The following TIFA variants were observed in gnomAD, a reference collection of about 807,000 sequenced individuals.
TIFA encodes TRAF-interacting protein with FHA domain-containing protein A.
For synonymous variants in TIFA, 75 were observed against 79.2 expected (o/e 0.95, Z 0.28); for missense variants, 186 against 215.2 (o/e 0.86, Z 0.85).
chr4:112,279,656 C>T (rs1727186025), intron 1 of TIFA, among the ~76,000 whole-genome samples: 1 of 144,120 alleles, frequency 6.9e-6, no homozygotes, highest in Admixed American at 7.1e-5. Flanking sequence ...ATATTTAGTT[C>T]TGAACCTTTC....
chr4:112,277,833 T>C lies in TIFA; in HGVS notation c.*29A>G. 6.4e-7 allele frequency: 1 copy of C among 1,551,074 alleles called. No individual in the cohort carries two copies. Among genetic ancestry groups the C allele is most frequent in the Non-Finnish European group, 8.7e-7 (1 of 1,152,426 alleles). On this transcript the variant is annotated 3_prime_UTR_variant, in exon 2 of 2. Coordinates refer to ENST00000361717, the MANE Select transcript of TIFA (RefSeq NM_052864.3). Reference sequence around the variant, plus strand: ...CAGCATCTACAGAGCTCTTCATCCATCATATTTCTCCTCTTAGACTTTCTG... The same window carrying C: ...CAGCATCTACAGAGCTCTTCATCCACCATATTTCTCCTCTTAGACTTTCTG...
chr4:112,280,426 T>G (rs964488403), intron 1 of TIFA, among the ~76,000 whole-genome samples: 53 of 133,570 alleles, frequency 4.0e-4, no homozygotes, highest in African/African-American at 1.4e-3. Context: ...CTTGGCTCAC[T>G]GCAACCTCTG....
chr4:112,279,452 G>T lies in TIFA; in HGVS notation c.-18-1018C>A, dbSNP rs182408504. On this transcript the variant is annotated intron_variant, in intron 1 of 1. Transcript: ENST00000361717. ...ACTAACAAAGGATTTAAAAAAAAGA[G>T]TATTTCTCCCCCACCTGAACTCTTT... is the stretch of plus-strand genomic sequence containing the variant. Among the ~76,000 whole-genome samples, 42 of 152,240 alleles carry T rather than the reference G, an allele frequency of 2.8e-4. No homozygotes were observed. In the East Asian group the frequency reaches 7.9e-3, roughly 29 times the overall value.
Position 112,276,846 on chromosome 4 carries a change from T to C in TIFA, c.*1016A>G, listed in dbSNP as rs1705317239. ...GCCTCACTACCTGGCAATGCTACAA[T>C]TTAACTTAACTGAATGGTTACCTCA... is the stretch of plus-strand genomic sequence containing the variant. On this transcript the variant is annotated 3_prime_UTR_variant, in exon 2 of 2. Transcript: ENST00000361717. 6.6e-6 allele frequency: 1 copy of C among 152,216 alleles called. No homozygotes were observed. The highest frequency in any genetic ancestry group is 1.5e-5 in the Non-Finnish European group (1 of 68,018). 9.4% of individuals were successfully genotyped at this position (152,216 alleles called of 1,614,324 possible).
At chr4:112,284,440 G>T (rs1313302060) in intron 1 of TIFA, among the ~76,000 whole-genome samples, 1 of 152,024 alleles carries the variant, frequency 6.6e-6, no homozygotes, top group Admixed American at 6.6e-5. Context: ...TCGCTACAAG[G>T]ACCCAGATGT....
intron 1 of TIFA, among the ~76,000 whole-genome samples, chr4:112,280,343 CTTTTTTTTTTTTT>C (rs34544244): frequency 1.3e-5 from 1 of 76,748 alleles, no homozygotes; most frequent in South Asian, 5.5e-4. Flanking sequence ...CTGGCATTTC[CTTTTTTTTTTTTT>C]TTTTTTTTTT....
At chr4:112,285,093 C>T (rs1021733659) in intron 1 of TIFA, among the ~76,000 whole-genome samples, 5 of 152,126 alleles carry the variant, frequency 3.3e-5, no homozygotes, top group African/African-American at 7.2e-5. Context: ...TGGGAAATTC[C>T]ACCTTTCAAT....
intron 1 of TIFA, among the ~76,000 whole-genome samples, chr4:112,280,823 C>T (rs1176741251): frequency 2.0e-5 from 3 of 151,982 alleles, no homozygotes; most frequent in Non-Finnish European, 2.9e-5. Flanking sequence ...TATTTTTGAA[C>T]ATTATTGCAT....
At chr4:112,284,597 TC>T (rs1189648229) in intron 1 of TIFA, among the ~76,000 whole-genome samples, 2 of 151,760 alleles carry the variant, frequency 1.3e-5, no homozygotes, top group Non-Finnish European at 2.9e-5. Context: ...TACTTTCATT[TC>T]CCCCCAACCC....
intron 1 of TIFA, among the ~76,000 whole-genome samples, chr4:112,282,848 G>C (rs1286560825): frequency 6.6e-6 from 1 of 152,188 alleles, no homozygotes; most frequent in Non-Finnish European, 1.5e-5. Context: ...CCCACTTTCT[G>C]CTCCAAAAGT....
rs1170171828 is a variant in TIFA at position 112,275,870 on chromosome 4, T to A, written c.*1992A>T. On this transcript the variant is annotated 3_prime_UTR_variant, in exon 2 of 2. Transcript: ENST00000361717. ...CCAAAATAGTCAAAATGTGACAGTA[T>A]ACACACATTAAAGTATATACACTTC... is the stretch of plus-strand genomic sequence containing the variant. 6.6e-6 allele frequency: 1 copy of A among 152,114 alleles called. No homozygotes were observed. Among genetic ancestry groups the A allele is most frequent in the African/African-American group, 2.4e-5 (1 of 41,414 alleles). 9.4% of individuals were successfully genotyped at this position (152,114 alleles called of 1,614,324 possible).
At chr4:112,278,925 T>C (rs1560620942) in intron 1 of TIFA, among the ~76,000 whole-genome samples, 1 of 152,252 alleles carries the variant, frequency 6.6e-6, no homozygotes, top group Admixed American at 6.5e-5. Context: ...TTGTGAAACC[T>C]GGTTAAAGAA....
intron 1 of TIFA, among the ~76,000 whole-genome samples, chr4:112,284,232 T>TCTAC (rs1170234186): frequency 6.6e-6 from 1 of 151,934 alleles, no homozygotes; most frequent in Non-Finnish European, 1.5e-5. Flanking sequence ...AATGGATACG[T>TCTAC]GTAGAGGTGC....
At chr4:112,284,558 T>C (rs1727284999) in intron 1 of TIFA, among the ~76,000 whole-genome samples, 1 of 152,194 alleles carries the variant, frequency 6.6e-6, no homozygotes, top group Non-Finnish European at 1.5e-5. Context: ...ACCAAACTAA[T>C]GGGGTCTGCT....
chr4:112,278,001 G>A lies in TIFA; in HGVS notation c.416C>T (p.Thr139Ile), dbSNP rs1727152849. 1.2e-6 allele frequency: 2 copies of A among 1,613,844 alleles called. No individual in the cohort carries two copies. The highest frequency in any genetic ancestry group is 1.7e-5 in the Admixed American group (1 of 59,964). Residue 139 changes from threonine to isoleucine, a missense_variant, in exon 2 of 2, where the codon ACT becomes ATT. Transcript: ENST00000361717. ...TGATCTTGGAGATAAAATAAATTGA[G>A]TCTCAAAAAATTCCAATGACTCGCC... ...EDGESLEFFE[T>I]QFILSPRSLL...
At chr4:112,281,270 T>G (rs1032611608) in intron 1 of TIFA, among the ~76,000 whole-genome samples, 1 of 152,270 alleles carries the variant, frequency 6.6e-6, no homozygotes, top group Admixed American at 6.5e-5. Context: ...ATTCTGGATC[T>G]AAATAGTCTT....
chr4:112,278,923 C>T (rs993093447), intron 1 of TIFA, among the ~76,000 whole-genome samples: 17 of 151,984 alleles, frequency 1.1e-4, no homozygotes, highest in Admixed American at 1.1e-3. Context: ...AATTGTGAAA[C>T]CTGGTTAAAG....
Position 112,275,486 on chromosome 4 carries a change from CA to C in TIFA, c.*2375del, listed in dbSNP as rs1727093093. The C allele has an allele frequency of 6.6e-6, 1 of 152,166 alleles. No homozygotes were observed. Among genetic ancestry groups the C allele is most frequent in the Non-Finnish European group, 1.5e-5 (1 of 68,028 alleles). 9.4% of individuals were successfully genotyped at this position (152,166 alleles called of 1,614,324 possible). On this transcript the variant is annotated 3_prime_UTR_variant, in exon 2 of 2. Transcript: ENST00000361717. ...TAATCAAAACAATTCTAATACTAAC[CA>C]ATTGCTCTTTCATTATTAAAGCGTT...
intron 1 of TIFA, among the ~76,000 whole-genome samples, chr4:112,278,699 G>T (rs1727169755): frequency 6.6e-6 from 1 of 152,136 alleles, no homozygotes. Flanking sequence ...AACAAAGAAT[G>T]ATTTTTGATA....
Sources: allele counts gnomAD v4.1 joint callset (sites outside exome capture counted in the v4.1 genomes callset), GRCh38; gene constraint gnomAD v4.1.1; transcripts MANE v1.5; gene names NCBI Gene and HGNC (gene_info 2026-07-23, HGNC 2026-07-21).